Variants in NKAIN2 observed in about 807,000 individuals in gnomAD.
NKAIN2 encodes the protein sodium/potassium transporting ATPase interacting 2.
NKAIN2 carries 14 observed loss-of-function variants against 32.6 expected under a neutral mutation model. The observed-to-expected ratio is 0.43, with a 90% CI of 0.28 to 0.67. NKAIN2 has a LOEUF of 0.67. Among genes scored for constraint, NKAIN2 ranks in the 30% least tolerant of loss-of-function variants. The pLI is 0.17. For synonymous variants in NKAIN2, 80 were observed against 87.2 expected (o/e 0.92, Z 0.46); for missense variants, 198 against 258.3 (o/e 0.77, Z 1.60).
At chr6:123,884,203 C>A (rs947376152) in intron 1 of NKAIN2, among the ~76,000 whole-genome samples, 2 of 152,070 alleles carry the variant, frequency 1.3e-5, no homozygotes, top group Admixed American at 6.5e-5. Flanking sequence ...TAAGTGAGAA[C>A]ATATGGTACT....
At position 124,791,375 on chromosome 6, in the gene NKAIN2, T is replaced by C. The variant is rs1157627758; in HGVS notation, c.511T>C (p.Cys171Arg). The C allele has an allele frequency of 1.2e-6, 2 of 1,608,616 alleles. No individual in the cohort carries two copies. The highest frequency in any genetic ancestry group is 1.3e-5 in the African/African-American group (1 of 74,824). Residue 171 changes from cysteine (C) to arginine (R), a missense_variant, in exon 5 of 7, where the codon TGT becomes CGT. Cys to Arg is a radical substitution (Grantham distance 180). Coordinates refer to ENST00000368417, the MANE Select transcript of NKAIN2 (RefSeq NM_001040214.3). Reference protein sequence around the residue: ...GFIYACYVVKCITEEEDSFDF... With the variant: ...GFIYACYVVKRITEEEDSFDF... ...CATCTACGCCTGTTATGTTGTGAAA[T>C]GTATAACTGAAGAAGAGGACAGCTG...
chr6:124,272,851 C>G (rs139639442), intron 1 of NKAIN2, among the ~76,000 whole-genome samples: 1 of 152,334 alleles, frequency 6.6e-6, no homozygotes, highest in South Asian at 2.1e-4. Flanking sequence ...AAAATATCAT[C>G]TCAGAGCTTT....
intron 1 of NKAIN2, among the ~76,000 whole-genome samples, chr6:123,810,944 C>G (rs1160074628): frequency 6.6e-6 from 1 of 152,072 alleles, no homozygotes; most frequent in Non-Finnish European, 1.5e-5. Context: ...TTTTTGGGCC[C>G]TCTCCTAGAG....
chr6:123,966,358 C>T (rs2114624590), intron 1 of NKAIN2, among the ~76,000 whole-genome samples: 1 of 152,214 alleles, frequency 6.6e-6, no homozygotes, highest in African/African-American at 2.4e-5. Context: ...CATGTCCTTC[C>T]CCCAGTATTT....
chr6:123,840,807 A>G lies in NKAIN2; in HGVS notation c.54+36553A>G, dbSNP rs533960301. On this transcript the variant is annotated intron_variant, in intron 1 of 6. Coordinates refer to ENST00000368417, the MANE Select transcript of NKAIN2 (RefSeq NM_001040214.3). ...TGTATGTATTAGAAAGAACACTTTC[A>G]TTAATTACACTTGATATTTTTATAG... Among the ~76,000 whole-genome samples, 373 of 152,306 alleles carry G rather than the reference A, an allele frequency of 2.4e-3. 3 individuals are homozygous for G. Among genetic ancestry groups the G allele is most frequent in the Non-Finnish European group, 4.0e-3 (271 of 68,002 alleles).
At chr6:123,900,425 A>G (rs1774506803) in intron 1 of NKAIN2, among the ~76,000 whole-genome samples, 1 of 151,246 alleles carries the variant, frequency 6.6e-6, no homozygotes, top group Non-Finnish European at 1.5e-5. Context: ...GTGAGCCAAG[A>G]TCGCGCCACT....
intron 4 of NKAIN2, among the ~76,000 whole-genome samples, chr6:124,710,863 T>A (rs1485623749): frequency 3.3e-5 from 5 of 151,338 alleles, no homozygotes; most frequent in African/African-American, 9.7e-5. Context: ...GTGAATTTGA[T>A]CCTGTCATTA....
chr6:124,502,829 T>C (rs144543975), intron 3 of NKAIN2, among the ~76,000 whole-genome samples: 13 of 152,338 alleles, frequency 8.5e-5, no homozygotes, highest in African/African-American at 2.4e-4. Flanking sequence ...CACAGCAATC[T>C]GTCTATTCAT....
chr6:124,569,415 T>C (rs1781041068), intron 3 of NKAIN2, among the ~76,000 whole-genome samples: 1 of 152,162 alleles, frequency 6.6e-6, no homozygotes, highest in African/African-American at 2.4e-5. Flanking sequence ...GCATCTTCTG[T>C]ACACCCTCCA....
intron 3 of NKAIN2, among the ~76,000 whole-genome samples, chr6:124,645,575 C>T (rs1784139500): frequency 6.6e-6 from 1 of 152,198 alleles, no homozygotes. Context: ...ATCCTACAGA[C>T]TCCTATACAT....
intron 1 of NKAIN2, among the ~76,000 whole-genome samples, chr6:124,015,034 A>G (rs1582931742): frequency 6.6e-6 from 1 of 152,124 alleles, no homozygotes; most frequent in Non-Finnish European, 1.5e-5. Flanking sequence ...ATCCAAAGGG[A>G]TGTGTAATTT....
intron 3 of NKAIN2, among the ~76,000 whole-genome samples, chr6:124,426,829 G>A (rs1446268881): frequency 5.9e-5 from 9 of 152,146 alleles, no homozygotes; most frequent in Non-Finnish European, 1.3e-4. Context: ...TAGTGAGTAA[G>A]TCTCACGAGA....
intron 4 of NKAIN2, among the ~76,000 whole-genome samples, chr6:124,761,570 A>G (rs919678502): frequency 8.5e-5 from 13 of 152,196 alleles, no homozygotes; most frequent in African/African-American, 3.1e-4. Context: ...CTTGACAAAT[A>G]GAATACTATA....
At chr6:123,911,758 A>G (rs1562253222) in intron 1 of NKAIN2, among the ~76,000 whole-genome samples, 1 of 128,372 alleles carries the variant, frequency 7.8e-6, no homozygotes, top group Non-Finnish European at 1.7e-5. Context: ...ATTAATATAA[A>G]ATAGTCGTAT....
intron 1 of NKAIN2, among the ~76,000 whole-genome samples, chr6:123,879,560 C>A (rs1318214874): frequency 1.3e-5 from 2 of 152,174 alleles, no homozygotes; most frequent in Non-Finnish European, 2.9e-5. Context: ...CAGGTTCTTT[C>A]TACCTTGTCT....
intron 3 of NKAIN2, among the ~76,000 whole-genome samples, chr6:124,369,484 G>C (rs1799660894): frequency 6.6e-6 from 1 of 152,126 alleles, no homozygotes; most frequent in South Asian, 2.1e-4. Flanking sequence ...GGATGGCTTT[G>C]AGTGTGGCCC....
rs979959557 is a variant in NKAIN2 at position 123,804,122 on chromosome 6, C to T, written c.-79C>T. 7 of 1,353,752 alleles carry T rather than the reference C, an allele frequency of 5.2e-6. No homozygotes were observed. The highest frequency in any genetic ancestry group is 4.3e-5 in the African/African-American group (3 of 69,780). The allele number at this position is 1,353,752 out of a possible 1,614,324, so 83.9% of individuals were successfully genotyped here. On this transcript the variant is annotated 5_prime_UTR_variant, in exon 1 of 7. Coordinates refer to ENST00000368417, the MANE Select transcript of NKAIN2 (RefSeq NM_001040214.3). ...CTCGGCAGGTTTGCGTGTCCTTCCCCGCGATCTGATTGGATAAAGTGGGGG... is the reference window on the plus strand; with the variant it reads ...CTCGGCAGGTTTGCGTGTCCTTCCCTGCGATCTGATTGGATAAAGTGGGGG...
intron 3 of NKAIN2, among the ~76,000 whole-genome samples, chr6:124,634,125 C>T (rs1477299503): frequency 6.6e-6 from 1 of 151,930 alleles, no homozygotes; most frequent in African/African-American, 2.4e-5. Context: ...AGAAAAGGTT[C>T]TCCATACAAC....
At position 124,062,109 on chromosome 6, in the gene NKAIN2, AT is replaced by A. The variant is rs202108220; in HGVS notation, c.55-220895del. 7.0e-4 allele frequency among the ~76,000 whole-genome samples: 106 copies of A among 152,342 alleles called. 1 individual carries two copies. The East Asian group carries it at 0.016, about 23-fold the overall frequency. On this transcript the variant is annotated intron_variant, in intron 1 of 6. Transcript: ENST00000368417. Reference sequence around the variant, plus strand: ...TCAAGTAGGCTTGTTCATTACAATGATACGTAAATATAAATAAAAACTTAAG... The same window carrying A: ...TCAAGTAGGCTTGTTCATTACAATGAACGTAAATATAAATAAAAACTTAAG...
Sources: gnomAD v4.1 joint callset for allele counts (sites outside exome capture counted in the v4.1 genomes callset) on GRCh38, gnomAD v4.1.1 for gene constraint, MANE v1.5 for transcripts, NCBI Gene and HGNC (gene_info 2026-07-23, HGNC 2026-07-21) for gene names.